Variants in CAMK2D observed in about 807,000 individuals in gnomAD.
CAMK2D encodes the protein calcium/calmodulin dependent protein kinase II delta.
In CAMK2D, 37 loss-of-function variants were observed where a neutral mutation model predicts 84.0. The observed-to-expected ratio is 0.44, with a 90% CI of 0.34 to 0.58. The LOEUF (loss-of-function observed/expected upper bound fraction) is 0.58, where lower values mean the gene tolerates loss of function less well. Ranked by LOEUF, CAMK2D falls within the 20% of genes least tolerant of loss-of-function variation. The pLI is 0.02. For synonymous variants in CAMK2D, 202 were observed against 212.5 expected (o/e 0.95, Z 0.43); for missense variants, 448 against 652.5 (o/e 0.69, Z 3.41).
chr4:113,721,756 G>A (rs1356997557), intron 2 of CAMK2D, among the ~76,000 whole-genome samples: 1 of 152,148 alleles, frequency 6.6e-6, no homozygotes, highest in African/African-American at 2.4e-5. Context: ...AATCCCAGCA[G>A]AGAGCCCAAA....
chr4:113,561,447 C>T (rs933627532), intron 4 of CAMK2D, among the ~76,000 whole-genome samples: 3 of 152,164 alleles, frequency 2.0e-5, no homozygotes, highest in Non-Finnish European at 4.4e-5. Context: ...GCACTTCAGC[C>T]TGGGAGACAG....
intron 2 of CAMK2D, among the ~76,000 whole-genome samples, chr4:113,678,407 G>A (rs1482493016): frequency 1.3e-5 from 2 of 151,806 alleles, no homozygotes; most frequent in African/African-American, 2.4e-5. Context: ...CGTGACATCA[G>A]TGGGCTAAAC....
At chr4:113,672,091 CA>C (rs35318616) in intron 2 of CAMK2D, among the ~76,000 whole-genome samples, 1 of 151,930 alleles carries the variant, frequency 6.6e-6, no homozygotes, top group East Asian at 1.9e-4. Flanking sequence ...ATTCTAAACA[CA>C]AAAAAGACTT....
intron 16 of CAMK2D, among the ~76,000 whole-genome samples, chr4:113,484,545 A>G (rs181558637): frequency 6.6e-6 from 1 of 152,304 alleles, no homozygotes; most frequent in Admixed American, 6.5e-5. Flanking sequence ...TTTTTAAAAA[A>G]GCCCTAAAAC....
rs537493029 is a variant in CAMK2D at position 113,569,621 on chromosome 4, C to A, written c.276-17525G>T. 2.0e-5 allele frequency among the ~76,000 whole-genome samples: 3 copies of A among 152,220 alleles called. 1 individual carries two copies. In the South Asian group the frequency reaches 6.2e-4, roughly 32 times the overall value. On this transcript the variant is annotated intron_variant, in intron 4 of 20. Transcript: ENST00000511664. ...TGTTACCAGATTTTTAAGTAATTAA[C>A]TTCTAAATATCTCACACAAGAATTT...
intron 3 of CAMK2D, among the ~76,000 whole-genome samples, chr4:113,648,954 C>A (rs1421384893): frequency 3.3e-5 from 5 of 152,182 alleles, no homozygotes; most frequent in African/African-American, 1.2e-4. Flanking sequence ...AGTGAAATTT[C>A]TAATTTCTCC....
intron 9 of CAMK2D, among the ~76,000 whole-genome samples, chr4:113,517,355 T>C (rs2098298146): frequency 6.6e-6 from 1 of 152,194 alleles, no homozygotes; most frequent in Admixed American, 6.5e-5. Flanking sequence ...ACATGGCTTT[T>C]CTTTCAATCT....
intron 4 of CAMK2D, among the ~76,000 whole-genome samples, chr4:113,578,884 G>A (rs913661991): frequency 3.3e-5 from 5 of 152,214 alleles, no homozygotes; most frequent in South Asian, 2.1e-4. Context: ...GCTACTGTCT[G>A]CTACCATTGC....
chr4:113,547,693 T>A lies in CAMK2D; in HGVS notation c.365A>T (p.Glu122Val). Residue 122 changes from glutamate to valine, a missense_variant, in exon 6 of 21, where the codon GAG (glutamate) becomes GTG (valine). By Grantham distance (121) the Glu-to-Val change is moderately radical. Transcript: ENST00000511664. ...CATCTGATGGCAGTGTAGCACAGCC[T>A]CCAGGATCTGCTGAATGCAATGACT... ...DASHCIQQILEAVLHCHQMGV... is the reference protein window; with the variant it reads ...DASHCIQQILVAVLHCHQMGV... 6.4e-7 allele frequency: 1 copy of A among 1,564,756 alleles called. No homozygotes were observed. Among genetic ancestry groups the A allele is most frequent in the Non-Finnish European group, 8.6e-7 (1 of 1,162,154 alleles).
At chr4:113,548,565 AG>A in intron 5 of CAMK2D, 1 of 623,018 alleles carries the variant, frequency 1.6e-6, no homozygotes, top group Admixed American at 2.9e-5. Flanking sequence ...GGGAAAGGCA[AG>A]GGAACCATTT....
At position 113,625,516 on chromosome 4, in the gene CAMK2D, A is replaced by G. The variant is rs1049047927; in HGVS notation, c.221-16310T>C. Among the ~76,000 whole-genome samples, 4 of 152,292 alleles carry G rather than the reference A, an allele frequency of 2.6e-5. No individual in the cohort carries two copies. In the East Asian group the frequency reaches 7.7e-4, roughly 29 times the overall value. ...AGGAAATGAATAGTGTAAGCCATGG[A>G]GATGCCTCAGGGAAGACCATATGGA... is the stretch of plus-strand genomic sequence containing the variant. On this transcript the variant is annotated intron_variant, in intron 3 of 20. Coordinates refer to ENST00000511664, the MANE Select transcript of CAMK2D (RefSeq NM_001321571.2).
chr4:113,561,207 T>G lies in CAMK2D; in HGVS notation c.276-9111A>C, dbSNP rs531004825. Among the ~76,000 whole-genome samples the G allele has an allele frequency of 1.3e-3, 194 of 152,302 alleles. 2 individuals carry two copies. Among genetic ancestry groups the G allele is most frequent in the South Asian group, 2.5e-3 (12 of 4,824 alleles). On this transcript the variant is annotated intron_variant, in intron 4 of 20. Transcript: ENST00000511664. ...ACTACAGGGACTTACAAGATAGGTG[T>G]GGTGGCTCAGGCTTGTAACCTCAGC...
chr4:113,746,212 C>T (rs2099603785), intron 2 of CAMK2D, among the ~76,000 whole-genome samples: 1 of 152,100 alleles, frequency 6.6e-6, no homozygotes, highest in African/African-American at 2.4e-5. Flanking sequence ...TAAAATTGAC[C>T]TTGTGTGTGT....
At chr4:113,573,007 A>C (rs894438381) in intron 4 of CAMK2D, among the ~76,000 whole-genome samples, 3 of 152,180 alleles carry the variant, frequency 2.0e-5, no homozygotes, top group African/African-American at 7.2e-5. Context: ...ACTTATGAAC[A>C]CAAAGAAGGA....
rs1311905399 is a variant in CAMK2D, at chr4:113,500,463, C to T, written c.1135G>A (p.Ala379Thr). ...NTTIEDEDVK[A>T]RKQEIIKVTE... ...TTTTCCATTTCTGGTTAAATCATACCTTTCACATCTTCATCCTCAATTGTT... is the reference window on the plus strand; with the variant it reads ...TTTTCCATTTCTGGTTAAATCATACTTTTCACATCTTCATCCTCAATTGTT... The change falls in exon 16 of 21, where the codon GCA becomes ACA. Residue 379 changes from alanine (A) to threonine (T), a missense_variant and splice_region_variant. Ala to Thr is a moderately conservative substitution (Grantham distance 58). Around this residue, in one of 7 missense-constraint regions of CAMK2D, gnomAD observed 219 missense variants for 272.1 expected, o/e 0.80. Coordinates refer to ENST00000511664, the MANE Select transcript of CAMK2D (RefSeq NM_001321571.2). 1 of 1,580,662 alleles carries T rather than the reference C, an allele frequency of 6.3e-7. No homozygotes were observed. The highest frequency in any genetic ancestry group is 1.7e-5 in the Admixed American group (1 of 58,508).
chr4:113,695,888 C>G (rs2099401209), intron 2 of CAMK2D, among the ~76,000 whole-genome samples: 1 of 152,104 alleles, frequency 6.6e-6, no homozygotes, highest in African/African-American at 2.4e-5. Context: ...TTGCTATGAT[C>G]TGCAATGCTA....
intron 2 of CAMK2D, among the ~76,000 whole-genome samples, chr4:113,679,205 T>G (rs1373160283): frequency 6.6e-6 from 1 of 152,146 alleles, no homozygotes; most frequent in East Asian, 1.9e-4. Flanking sequence ...TAAGGAAATA[T>G]GAAAGGTTGT....
At chr4:113,641,654 G>A (rs1415131039) in intron 3 of CAMK2D, among the ~76,000 whole-genome samples, 3 of 152,140 alleles carry the variant, frequency 2.0e-5, no homozygotes, top group East Asian at 3.8e-4. Context: ...CTAGCACAAC[G>A]TTTTTTATAA....
chr4:113,601,079 A>G (rs1287433982), intron 4 of CAMK2D, among the ~76,000 whole-genome samples: 1 of 152,238 alleles, frequency 6.6e-6, no homozygotes, highest in Non-Finnish European at 1.5e-5. Flanking sequence ...AGTATTTATC[A>G]CGAAGAACCT....
Sources: allele counts gnomAD v4.1 joint callset (sites outside exome capture counted in the v4.1 genomes callset), GRCh38; gene constraint gnomAD v4.1.1; regional missense constraint gnomAD v4.1.1; transcripts MANE v1.5; gene names NCBI Gene and HGNC (gene_info 2026-07-23, HGNC 2026-07-21).